CACNA1C: variants seen among roughly 807,000 people sequenced by gnomAD.
The protein encoded by CACNA1C is voltage-dependent L-type calcium channel subunit alpha-1C.
CACNA1C carries 30 observed loss-of-function variants against 229.0 expected under a neutral mutation model. That is an observed-to-expected ratio of 0.13 (90% CI 0.10 to 0.18). The LOEUF is 0.18. Among genes scored for constraint, CACNA1C ranks in the 10% least tolerant of loss-of-function variants. The pLI is 1.00. For synonymous variants in CACNA1C, 1,114 were observed against 1,132.5 expected (o/e 0.98, Z 0.33); for missense variants, 1,658 against 2,845.0 (o/e 0.58, Z 9.49).
chr12:2,024,080 T>C (rs1048850153), intron 1 of CACNA1C, among the ~76,000 whole-genome samples: 1 of 147,184 alleles, frequency 6.8e-6, no homozygotes, highest in African/African-American at 2.4e-5. Flanking sequence ...TGACAGATGT[T>C]GAGCTTGGGT....
At chr12:2,033,319 G>A (rs556716038) in intron 1 of CACNA1C, among the ~76,000 whole-genome samples, 132 of 152,222 alleles carry the variant, frequency 8.7e-4, no homozygotes, top group African/African-American at 3.0e-3. Flanking sequence ...CCATGTGCTC[G>A]GCCACCACCT....
At position 2,666,297 on chromosome 12, in the gene CACNA1C, G is replaced by A. The variant is rs1016321091; in HGVS notation, c.4527-389G>A. On this transcript the variant is annotated intron_variant, in intron 36 of 46. Coordinates refer to ENST00000399655, the MANE Select transcript of CACNA1C (RefSeq NM_000719.7). This position sits in a 1 kb window ranked among gnomAD's most constrained non-coding sequence, Gnocchi z 5.3. ...TGCTCAAGTTAGGATAGGTAGGGCC[G>A]GGGAAAATCTTGATTCCATTCCCGC... 3.3e-5 allele frequency among the ~76,000 whole-genome samples: 5 copies of A among 150,850 alleles called. No homozygotes were observed. Among genetic ancestry groups the A allele is most frequent in the East Asian group, 2.0e-4 (1 of 5,096 alleles).
Position 2,566,751 on chromosome 12 carries a change from A to G in CACNA1C, c.1669+169A>G, listed in dbSNP as rs2051152649. Among the ~76,000 whole-genome samples, 1 of 152,194 alleles carries G rather than the reference A, an allele frequency of 6.6e-6. No homozygotes were observed. Among genetic ancestry groups the G allele is most frequent in the African/African-American group, 2.4e-5 (1 of 41,444 alleles). On this transcript the variant is annotated intron_variant, in intron 12 of 46. Transcript: ENST00000399655. This position sits in a 1 kb window ranked among gnomAD's most constrained non-coding sequence, Gnocchi z 4.0. ...AAGGGCCTGGCAGTTCCAAAGCCCCACAATAAAATGCGCTACCTTGTTAAA... is the reference window on the plus strand; with the variant it reads ...AAGGGCCTGGCAGTTCCAAAGCCCCGCAATAAAATGCGCTACCTTGTTAAA...
chr12:2,089,678 T>G (rs1396390358), intron 1 of CACNA1C, among the ~76,000 whole-genome samples: 1 of 152,188 alleles, frequency 6.6e-6, no homozygotes, highest in Non-Finnish European at 1.5e-5. Context: ...TTTTTAAGTG[T>G]TACAGTTCAG....
chr12:2,333,560 C>T (rs1298499332), intron 3 of CACNA1C, among the ~76,000 whole-genome samples: 6 of 152,230 alleles, frequency 3.9e-5, no homozygotes, highest in Admixed American at 1.3e-4. Flanking sequence ...AGCATGACCG[C>T]GCCATCCAGC....
chr12:2,329,254 A>G (rs1246551985), intron 3 of CACNA1C, among the ~76,000 whole-genome samples: 2 of 152,142 alleles, frequency 1.3e-5, no homozygotes, highest in African/African-American at 4.8e-5. Flanking sequence ...GTAACTTTGG[A>G]ATGGTTTTGA....
chr12:2,597,267 T>G lies in CACNA1C; in HGVS notation c.2831T>G (p.Phe944Cys), dbSNP rs1317565977. The G allele has an allele frequency of 6.2e-7, 1 of 1,612,664 alleles. No individual in the cohort carries two copies. Among genetic ancestry groups the G allele is most frequent in the East Asian group, 2.2e-5 (1 of 44,886 alleles). The change falls in exon 21 of 47, where the codon TTC (phenylalanine) becomes TGC (cysteine). Residue 944 changes from phenylalanine (F) to cysteine (C), a missense_variant. Physicochemically the swap from Phe to Cys is radical, Grantham distance 205 (BLOSUM62 -2). This residue lies in a region of CACNA1C where 52 missense variants were observed against 99.0 expected (regional missense o/e 0.53). Coordinates refer to ENST00000399655, the MANE Select transcript of CACNA1C (RefSeq NM_000719.7). This position sits in a 1 kb window ranked among gnomAD's most constrained non-coding sequence, Gnocchi z 4.3. ...FYFDIVFTTIFTIEIALKMTA... is the reference protein window; with the variant it reads ...FYFDIVFTTICTIEIALKMTA... The stretch of plus-strand genomic sequence containing the variant: ...TTTGATATTGTTTTTACCACCATTT[T>G]CACCATTGAAATTGCTCTGAAGGTA...
intron 1 of CACNA1C, among the ~76,000 whole-genome samples, chr12:2,000,146 A>G (rs1251509846): frequency 6.6e-6 from 1 of 152,224 alleles, no homozygotes; most frequent in Non-Finnish European, 1.5e-5. Context: ...CTAAAGTTTA[A>G]CTGATTCAGT....
intron 3 of CACNA1C, among the ~76,000 whole-genome samples, chr12:2,153,164 C>T (rs767652203): frequency 2.0e-5 from 3 of 152,162 alleles, no homozygotes; most frequent in Non-Finnish European, 4.4e-5. Context: ...TCTCAATCCT[C>T]TCTCTGTGTC....
intron 5 of CACNA1C, among the ~76,000 whole-genome samples, chr12:2,464,967 T>C (rs1053698354): frequency 2.6e-5 from 4 of 152,242 alleles, no homozygotes; most frequent in African/African-American, 4.8e-5. Flanking sequence ...ATCAGACTAC[T>C]TACTGGCTTC....
At chr12:2,490,837 G>T (rs1416956669) in intron 6 of CACNA1C, among the ~76,000 whole-genome samples, 3 of 152,170 alleles carry the variant, frequency 2.0e-5, no homozygotes, top group Admixed American at 6.5e-5. Flanking sequence ...GAAATGGTGT[G>T]GATACTGTCT....
intron 3 of CACNA1C, among the ~76,000 whole-genome samples, chr12:2,377,869 G>A (rs764662665): frequency 6.6e-6 from 1 of 152,216 alleles, no homozygotes; most frequent in Non-Finnish European, 1.5e-5. Context: ...CCTGTGTCCT[G>A]TGGGAGAATT....
At chr12:2,325,799 T>C (rs1461412139) in intron 3 of CACNA1C, among the ~76,000 whole-genome samples, 4 of 152,214 alleles carry the variant, frequency 2.6e-5, no homozygotes, top group African/African-American at 4.8e-5. Context: ...TCTGTACCTT[T>C]CGTGAAGGGA....
chr12:2,500,856 CT>C (rs2099758000), intron 7 of CACNA1C, among the ~76,000 whole-genome samples: 1 of 152,096 alleles, frequency 6.6e-6, no homozygotes, highest in Non-Finnish European at 1.5e-5. Context: ...GTGCACATTA[CT>C]GCTGGTGGGA....
chr12:2,334,976 A>G (rs1203660021), intron 3 of CACNA1C, among the ~76,000 whole-genome samples: 1 of 152,152 alleles, frequency 6.6e-6, no homozygotes, highest in Admixed American at 6.5e-5. Context: ...CTTTTCCCCC[A>G]TAGACCTATC....
chr12:2,409,822 G>A (rs775860952), intron 3 of CACNA1C, among the ~76,000 whole-genome samples: 4 of 152,202 alleles, frequency 2.6e-5, no homozygotes, highest in African/African-American at 4.8e-5. Flanking sequence ...AGGAGCCAAC[G>A]CAGGGCCCGC....
At chr12:2,572,485 C>CTGT (rs2055893475) in intron 13 of CACNA1C, among the ~76,000 whole-genome samples, 3 of 11,656 alleles carry the variant, frequency 2.6e-4, no homozygotes, top group Admixed American at 1.1e-3. Context: ...TCTCCTCTTC[C>CTGT]TCCTCCTCCT....
chr12:2,024,331 A>G (rs918098575), intron 1 of CACNA1C, among the ~76,000 whole-genome samples: 1 of 152,172 alleles, frequency 6.6e-6, no homozygotes, highest in African/African-American at 2.4e-5. Flanking sequence ...ACATCCTTAG[A>G]TGGGGAACAC....
chr12:2,311,730 C>G (rs373965062), intron 3 of CACNA1C, among the ~76,000 whole-genome samples: 1 of 152,176 alleles, frequency 6.6e-6, no homozygotes, highest in African/African-American at 2.4e-5. Flanking sequence ...AGAGAAAAAC[C>G]GTGGCATCTC....
Sources: gnomAD v4.1 joint callset for allele counts (sites outside exome capture counted in the v4.1 genomes callset) on GRCh38, gnomAD v4.1.1 for gene constraint, gnomAD v4.1.1 regional missense constraint, Gnocchi (gnomAD v3.1) non-coding constraint, MANE v1.5 for transcripts, NCBI Gene and HGNC (gene_info 2026-07-23, HGNC 2026-07-21) for gene names.